MGMT: variants seen among roughly 807,000 people sequenced by gnomAD.
MGMT encodes the protein O-6-methylguanine-DNA methyltransferase.
A neutral mutation model predicts 15.9 loss-of-function variants in MGMT; 14 were observed. That is an observed-to-expected ratio of 0.88 (90% CI 0.58 to 1.37). MGMT has a LOEUF of 1.37. Among genes scored for constraint, MGMT ranks in the 40% most tolerant of loss-of-function variants. The probability of loss-of-function intolerance (pLI) is 0.00; values close to 1 mark genes in which losing one functional copy is unlikely to be tolerated. For missense variants in MGMT, 282 were observed against 268.1 expected (o/e 1.05, Z -0.36); for synonymous variants, 130 against 118.2 (o/e 1.10, Z -0.65).
rs191307382 is a variant in MGMT, at chr10:129,530,155, G to A, written c.-12-6086G>A. On this transcript the variant is annotated intron_variant, in intron 1 of 4. Transcript: ENST00000651593. ...TGGGCTGAAGTGATCCTCCTGCCTCGGCCTGCCAAAGTTCTGGGATTACGG... is the reference window on the plus strand; with the variant it reads ...TGGGCTGAAGTGATCCTCCTGCCTCAGCCTGCCAAAGTTCTGGGATTACGG... Among the ~76,000 whole-genome samples the A allele has an allele frequency of 3.6e-4, 55 of 152,186 alleles. 1 individual carries two copies. The South Asian group carries it at 4.4e-3, about 12-fold the overall frequency.
intron 2 of MGMT, among the ~76,000 whole-genome samples, chr10:129,547,050 G>T (rs997566299): frequency 6.6e-6 from 1 of 152,296 alleles, no homozygotes; most frequent in South Asian, 2.1e-4. Flanking sequence ...AATATCCTCC[G>T]CAGAAACACA....
At chr10:129,590,637 C>T (rs907582553) in intron 2 of MGMT, among the ~76,000 whole-genome samples, 4 of 152,154 alleles carry the variant, frequency 2.6e-5, no homozygotes, top group Admixed American at 2.0e-4. Context: ...ATTTGCCATT[C>T]ACAGTCTAAT....
intron 2 of MGMT, among the ~76,000 whole-genome samples, chr10:129,627,206 C>T (rs60304036): frequency 0.012 from 1,757 of 152,162 alleles, 41 homozygotes; most frequent in African/African-American, 0.041. Flanking sequence ...GGGATGAGGG[C>T]GTGGGTTGAA....
chr10:129,582,711 C>T (rs540110068), intron 2 of MGMT, among the ~76,000 whole-genome samples: 3 of 152,062 alleles, frequency 2.0e-5, no homozygotes, highest in African/African-American at 7.2e-5. Flanking sequence ...CCGGCAGTTT[C>T]CCCCTTCGGA....
At position 129,766,816 on chromosome 10, in the gene MGMT, T is replaced by C; in HGVS notation, c.443T>C (p.Val148Ala). ...PVPILIPCHR[V>A]VCSSGAVGNY... ...CCCATCCTCATCCCGTGCCACAGAG[T>C]GGTCTGCAGCAGCGGAGCCGTGGGC... The change falls in exon 5 of 5, where the codon GTG becomes GCG. Residue 148 changes from valine to alanine, a missense_variant. Physicochemically the swap from Val to Ala is moderately conservative, Grantham distance 64 (BLOSUM62 0). Transcript: ENST00000651593. The C allele has an allele frequency of 6.2e-7, 1 of 1,613,038 alleles. No homozygotes were observed. The highest frequency in any genetic ancestry group is 8.5e-7 in the Non-Finnish European group (1 of 1,179,914).
At chr10:129,588,123 C>G (rs1056470810) in intron 2 of MGMT, among the ~76,000 whole-genome samples, 9 of 152,156 alleles carry the variant, frequency 5.9e-5, no homozygotes, top group African/African-American at 9.7e-5. Context: ...GAGATCATGG[C>G]CGGGGACTCA....
intron 3 of MGMT, among the ~76,000 whole-genome samples, chr10:129,718,349 C>A (rs746201103): frequency 6.6e-6 from 1 of 152,126 alleles, no homozygotes; most frequent in African/African-American, 2.4e-5. Flanking sequence ...TCCGTCTGAT[C>A]GTATAGTTAG....
At chr10:129,673,962 G>A (rs1287114339) in intron 2 of MGMT, among the ~76,000 whole-genome samples, 1 of 152,028 alleles carries the variant, frequency 6.6e-6, no homozygotes, top group Non-Finnish European at 1.5e-5. Flanking sequence ...CTTCTGTCTG[G>A]GTTTGAACAA....
intron 2 of MGMT, among the ~76,000 whole-genome samples, chr10:129,607,707 T>C (rs1040346002): frequency 3.3e-5 from 5 of 152,244 alleles, no homozygotes; most frequent in African/African-American, 1.2e-4. Flanking sequence ...AGTGCCAGTT[T>C]CCCTTGGACA....
At chr10:129,631,784 A>G (rs546954917) in intron 2 of MGMT, among the ~76,000 whole-genome samples, 28 of 152,360 alleles carry the variant, frequency 1.8e-4, no homozygotes, top group African/African-American at 6.7e-4. Flanking sequence ...AGATCACAGC[A>G]CTGTACCCCA....
At chr10:129,699,218 A>G (rs1175523703) in intron 2 of MGMT, among the ~76,000 whole-genome samples, 1 of 152,208 alleles carries the variant, frequency 6.6e-6, no homozygotes, top group East Asian at 1.9e-4. Context: ...TCTGCCAAGT[A>G]TACTATTTGG....
chr10:129,567,667 G>A lies in MGMT; in HGVS notation c.125+31290G>A, dbSNP rs78699711. Among the ~76,000 whole-genome samples the A allele has an allele frequency of 4.6e-5, 7 of 152,218 alleles. No homozygotes were observed. In the East Asian group the frequency reaches 5.8e-4, roughly 13 times the overall value. On this transcript the variant is annotated intron_variant, in intron 2 of 4. Coordinates refer to ENST00000651593, the MANE Select transcript of MGMT (RefSeq NM_002412.5). The stretch of plus-strand genomic sequence containing the variant: ...GCACGGGTACAGATTTACTGGTGTC[G>A]GAGTTTTAACTGTAATACTGTGGAA...
chr10:129,615,942 G>C (rs769875407), intron 2 of MGMT, among the ~76,000 whole-genome samples: 1 of 152,176 alleles, frequency 6.6e-6, no homozygotes, highest in South Asian at 2.1e-4. Context: ...GAGCAAGGGA[G>C]GCTTCTGCTG....
At chr10:129,700,847 G>T (rs1253803813) in intron 2 of MGMT, 3 of 152,164 alleles carry the variant, frequency 2.0e-5, no homozygotes, top group African/African-American at 7.2e-5. Context: ...CTCTGCTAGA[G>T]ATCTCTAAAT....
intron 2 of MGMT, among the ~76,000 whole-genome samples, chr10:129,646,755 T>TATATATATATATATATATATATATATA (rs375027874): frequency 1.3e-4 from 10 of 78,496 alleles, no homozygotes; most frequent in African/African-American, 3.1e-4. Context: ...TATATATATA[T>TATATATATATATATATATATATATATA]TTTCAGGGAA....
intron 1 of MGMT, among the ~76,000 whole-genome samples, chr10:129,486,891 A>ACAACAC (rs908835132): frequency 6.6e-6 from 1 of 152,238 alleles, no homozygotes; most frequent in Non-Finnish European, 1.5e-5. Context: ...TAGAACTCGC[A>ACAACAC]CAACACTGTC....
intron 2 of MGMT, among the ~76,000 whole-genome samples, chr10:129,692,957 C>T (rs1041205347): frequency 1.3e-5 from 2 of 152,196 alleles, no homozygotes; most frequent in African/African-American, 4.8e-5. Context: ...GTAGAGTGGA[C>T]GCCACTCGCT....
chr10:129,638,618 C>T (rs1244819390), intron 2 of MGMT, among the ~76,000 whole-genome samples: 1 of 151,916 alleles, frequency 6.6e-6, no homozygotes, highest in Non-Finnish European at 1.5e-5. Context: ...AGAATGGAGG[C>T]ATGTTTTCAG....
chr10:129,592,834 G>T (rs1417165791), intron 2 of MGMT, among the ~76,000 whole-genome samples: 1 of 151,488 alleles, frequency 6.6e-6, no homozygotes, highest in African/African-American at 2.4e-5. Context: ...TATTTTTCAT[G>T]AAAATGTTAT....
Sources: gnomAD v4.1 joint callset for allele counts (sites outside exome capture counted in the v4.1 genomes callset) on GRCh38, gnomAD v4.1.1 for gene constraint, MANE v1.5 for transcripts, NCBI Gene and HGNC (gene_info 2026-07-23, HGNC 2026-07-21) for gene names.